Variants in CLN8 observed in about 807,000 individuals in gnomAD.
The protein encoded by CLN8 is protein CLN8.
Under a neutral mutation model 15.7 loss-of-function variants are expected in CLN8, and 14 were observed. The ratio of observed to expected loss-of-function variants is 0.89; its 90% confidence interval spans 0.59 to 1.39. CLN8 has a LOEUF of 1.39. CLN8 is among the 40% of genes most tolerant of loss of function. The pLI is 0.00. For missense variants in CLN8, 415 were observed against 364.0 expected (o/e 1.14, Z -1.14); for synonymous variants, 188 against 151.0 (o/e 1.25, Z -1.80).
chr8:1,766,009 C>G (rs1356504185), intron 1 of CLN8, among the ~76,000 whole-genome samples: 1 of 152,168 alleles, frequency 6.6e-6, no homozygotes, highest in Non-Finnish European at 1.5e-5. Context: ...AGTTTAGCCC[C>G]CATAAACCGG....
rs1585151658 is a variant in CLN8, at chr8:1,780,388, C to T, written c.682C>T (p.Leu228=). ...HWDGLVSSLY[L]PHLTLFLVGL... ...GGACGGCCTGGTCAGCAGCCTGTAT[C>T]TGCCTCATTTGACACTGTTCCTTGT... The change falls in exon 3 of 3, where the codon CTG becomes TTG. Residue 228 remains leucine (L), a synonymous_variant. Transcript: ENST00000331222. The T allele has an allele frequency of 6.2e-7, 1 of 1,614,270 alleles. No individual in the cohort carries two copies. The highest frequency in any genetic ancestry group is 8.5e-7 in the Non-Finnish European group (1 of 1,180,044).
intron 1 of CLN8, among the ~76,000 whole-genome samples, chr8:1,766,273 A>G (rs923876556): frequency 2.6e-5 from 4 of 152,086 alleles, no homozygotes; most frequent in African/African-American, 7.2e-5. Flanking sequence ...GGAGTTGTTT[A>G]TTCTCCGGCT....
At position 1,780,633 on chromosome 8, in the gene CLN8, T is replaced by A. The variant is rs910751671; in HGVS notation, c.*66T>A. On this transcript the variant is annotated 3_prime_UTR_variant, in exon 3 of 3. Transcript: ENST00000331222. ...CACCGATTCTGGGAAGCCCCGCGAA[T>A]GATGGCTTTTGAATTAATGAGGCAG... 8 of 1,459,548 alleles carry A rather than the reference T, an allele frequency of 5.5e-6. No homozygotes were observed. In the African/African-American group the frequency reaches 1.1e-4, roughly 20 times the overall value. The allele number at this position is 1,459,548 out of a possible 1,614,324, so 90.4% of individuals were successfully genotyped here.
chr8:1,763,740 GCGCACGCGC>G (rs1285039096), upstream of CLN8: 1 of 145,484 alleles, frequency 6.9e-6, no homozygotes, highest in Non-Finnish European at 1.5e-5. Flanking sequence ...CAGAACGCGT[GCGCACGCGC>G]GTGCGAACGC....
At chr8:1,763,450 G>C (rs1263993144), upstream of CLN8, among the ~76,000 whole-genome samples, 3 of 5,922 alleles carry the variant, frequency 5.1e-4, no homozygotes, top group Admixed American at 1.6e-3. Context: ...CCCCCGCCGC[G>C]CCCCGCCCCC....
At chr8:1,759,095 G>C (rs544453803), upstream of CLN8, 2 of 152,208 alleles carry the variant, frequency 1.3e-5, no homozygotes, top group African/African-American at 4.8e-5. Flanking sequence ...TATTGCTACA[G>C]AGTCTGTTTT....
chr8:1,760,831 G>A (rs1438945366), upstream of CLN8, among the ~76,000 whole-genome samples: 2 of 152,120 alleles, frequency 1.3e-5, no homozygotes, highest in African/African-American at 4.8e-5. Context: ...GGAGCCCGCG[G>A]AAAGCAGGAA....
At chr8:1,773,643 G>C (rs1359840074) in intron 2 of CLN8, 3 of 152,394 alleles carry the variant, frequency 2.0e-5, no homozygotes, top group African/African-American at 4.8e-5. Flanking sequence ...ATTTCCATAA[G>C]AGTGCAGACT....
At chr8:1,762,319 G>C (rs1050792251), upstream of CLN8, 1 of 152,216 alleles carries the variant, frequency 6.6e-6, no homozygotes, top group Non-Finnish European at 1.5e-5. Flanking sequence ...GAGTAGCTGA[G>C]ATTACAGGTG....
chr8:1,770,045 A>T (rs1801236703), intron 1 of CLN8, among the ~76,000 whole-genome samples: 1 of 152,208 alleles, frequency 6.6e-6, no homozygotes, highest in Non-Finnish European at 1.5e-5. Flanking sequence ...ACACTTTGTT[A>T]CAGCACTGAA....
chr8:1,758,432 G>A (rs1800721085), intron 1 of CLN8: 1 of 152,178 alleles, frequency 6.6e-6, no homozygotes, highest in Non-Finnish European at 1.5e-5. Flanking sequence ...TGCTGCATAA[G>A]GTGGTTGGGT....
chr8:1,765,255 T>A (rs1042621329), intron 1 of CLN8: 8 of 152,236 alleles, frequency 5.3e-5, no homozygotes, highest in Non-Finnish European at 8.8e-5. Flanking sequence ...TGCAACCGTG[T>A]TGCAGAGGAG....
chr8:1,757,351 G>A (rs1800694615), intron 1 of CLN8, among the ~76,000 whole-genome samples: 1 of 152,172 alleles, frequency 6.6e-6, no homozygotes, highest in Admixed American at 6.5e-5. Context: ...CCCACGGGAG[G>A]GGGCGTAGAG....
chr8:1,754,882 T>C (rs531805578), upstream of CLN8, among the ~76,000 whole-genome samples: 17 of 152,310 alleles, frequency 1.1e-4, no homozygotes, highest in South Asian at 3.5e-3. Flanking sequence ...CATCTCTGCC[T>C]GCCCAGAAGC....
Position 1,771,201 on chromosome 8 carries a change from G to A in CLN8, c.147G>A (p.Leu49=), listed in dbSNP as rs555757531. ...TCTGCCACCAGCTGTCCTCTTCCCT[G>A]AATGCCACTTACCGTTCTTTGGTGG... is the stretch of plus-strand genomic sequence containing the variant. ...FVVCHQLSSS[L]NATYRSLVAR... is the part of the protein sequence containing the mutation. The change falls in exon 2 of 3, where the codon CTG becomes CTA. Residue 49 remains leucine, a synonymous_variant. Coordinates refer to ENST00000331222, the MANE Select transcript of CLN8 (RefSeq NM_018941.4). The A allele has an allele frequency of 6.2e-6, 10 of 1,614,086 alleles. No homozygotes were observed. Among genetic ancestry groups the A allele is most frequent in the Admixed American group, 1.7e-5 (1 of 60,006 alleles).
chr8:1,774,952 G>C (rs1235190612), intron 2 of CLN8, among the ~76,000 whole-genome samples: 1 of 152,172 alleles, frequency 6.6e-6, no homozygotes, highest in African/African-American at 2.4e-5. Context: ...CTGCACTCCA[G>C]CCTGGGCAAG....
chr8:1,774,199 C>T (rs550238499), intron 2 of CLN8, among the ~76,000 whole-genome samples: 1 of 152,206 alleles, frequency 6.6e-6, no homozygotes, highest in South Asian at 2.1e-4. Context: ...ACAGACTCAG[C>T]GAGATTTTAT....
At chr8:1,753,314 T>C (rs1287784189), upstream of CLN8, among the ~76,000 whole-genome samples, 1 of 71,090 alleles carries the variant, frequency 1.4e-5, no homozygotes, top group African/African-American at 4.1e-5. Flanking sequence ...CTCATGCCTG[T>C]AATCCCAGCA....
intron 2 of CLN8, among the ~76,000 whole-genome samples, chr8:1,774,134 G>A (rs370895698): frequency 3.3e-5 from 5 of 152,164 alleles, no homozygotes; most frequent in Non-Finnish European, 4.4e-5. Context: ...TGGGGACAGC[G>A]TCTCCAGCAG....
Sources: gnomAD v4.1 joint callset for allele counts (sites outside exome capture counted in the v4.1 genomes callset) on GRCh38, gnomAD v4.1.1 for gene constraint, MANE v1.5 for transcripts, NCBI Gene and HGNC (gene_info 2026-07-23, HGNC 2026-07-21) for gene names.